The following BPTF variants were observed in gnomAD, a reference collection of about 807,000 sequenced individuals.
BPTF encodes the protein nucleosome-remodeling factor subunit BPTF.
Under a neutral mutation model 292.5 loss-of-function variants are expected in BPTF, and 18 were observed. The observed-to-expected ratio is 0.06, with a 90% CI of 0.04 to 0.09. The LOEUF (loss-of-function observed/expected upper bound fraction) is 0.09, where lower values mean the gene tolerates loss of function less well. Ranked by LOEUF, BPTF falls within the 10% of genes least tolerant of loss-of-function variation. The pLI is 1.00. For synonymous variants in BPTF, 1,225 were observed against 1,251.9 expected (o/e 0.98, Z 0.45); for missense variants, 2,726 against 3,498.7 (o/e 0.78, Z 5.57).
intron 18 of BPTF, among the ~76,000 whole-genome samples, chr17:67,933,082 A>G (rs928940792): frequency 2.0e-5 from 3 of 151,832 alleles, no homozygotes; most frequent in Admixed American, 6.6e-5. Context: ...GGGAAACCCT[A>G]TCTCTACTAA....
At chr17:67,850,565 C>G (rs1361236476) in intron 1 of BPTF, among the ~76,000 whole-genome samples, 3 of 152,092 alleles carry the variant, frequency 2.0e-5, no homozygotes, top group African/African-American at 7.2e-5. Flanking sequence ...GACGGGGTTT[C>G]ACCATATTGG....
At chr17:67,889,055 T>C (rs7208663) in intron 4 of BPTF, among the ~76,000 whole-genome samples, 46,317 of 151,992 alleles carry the variant, frequency 0.3, 8,411 homozygotes, top group East Asian at 0.66. Flanking sequence ...ATAGTCCTAG[T>C]CCTCAGGTGA....
intron 23 of BPTF, among the ~76,000 whole-genome samples, chr17:67,952,320 G>C (rs1555678847): frequency 7.1e-6 from 1 of 141,320 alleles, no homozygotes; most frequent in African/African-American, 2.6e-5. Flanking sequence ...GCTGGAGCGT[G>C]TAGGGCCATC....
intron 18 of BPTF, among the ~76,000 whole-genome samples, chr17:67,934,240 G>C (rs1221197613): frequency 1.3e-5 from 2 of 151,304 alleles, no homozygotes; most frequent in African/African-American, 2.4e-5. Flanking sequence ...AGACATGACC[G>C]GGCGCTGTGG....
intron 7 of BPTF, 43 bp downstream of exon 7, chr17:67,894,208 C>T (rs951395136): frequency 1.9e-6 from 3 of 1,561,164 alleles, no homozygotes; most frequent in Non-Finnish European, 2.6e-6. Context: ...TATTGGACTC[C>T]CTTTTGAAAT....
chr17:67,853,754 CTT>C (rs1489747735), intron 1 of BPTF, among the ~76,000 whole-genome samples, 184 bp from the exon 2 acceptor site: 1 of 151,946 alleles, frequency 6.6e-6, no homozygotes, highest in East Asian at 1.9e-4. Flanking sequence ...AATGGGAAAA[CTT>C]TGCATTTAGA....
rs779507288 is a variant in BPTF, at chr17:67,854,250, T to C, written c.924T>C (p.Ala308=). 11 of 1,614,236 alleles carry C rather than the reference T, an allele frequency of 6.8e-6. No individual in the cohort carries two copies. In the East Asian group the frequency reaches 2.2e-4, roughly 33 times the overall value. Residue 308 remains alanine, a synonymous_variant, in exon 2 of 28, where the codon GCT becomes GCC. Transcript: ENST00000306378. The surrounding 1 kb of genome is among the most constrained non-coding windows in gnomAD (Gnocchi z 5.6). ...CTTCCAATACTACCTTTGGACCTGC[T>C]GATCTGAAAGATAGCGTTAATTCCA... The part of the protein sequence containing the change: ...EDTSNTTFGP[A]DLKDSVNSTL...
Position 67,911,117 on chromosome 17 carries a change from G to T in BPTF, c.3233G>T (p.Arg1078Leu). The T allele has an allele frequency of 6.2e-7, 1 of 1,613,940 alleles. No individual in the cohort carries two copies. Among genetic ancestry groups the T allele is most frequent in the South Asian group, 1.1e-5 (1 of 91,054 alleles). Residue 1078 changes from arginine (R) to leucine (L), a missense_variant, in exon 11 of 28, where the codon CGA (arginine) becomes CTA (leucine). Arg to Leu is a moderately radical substitution (Grantham distance 102). Around this residue, in one of 22 missense-constraint regions of BPTF, gnomAD observed 713 missense variants for 714.9 expected, o/e 1.00. Coordinates refer to ENST00000306378, the MANE Select transcript of BPTF (RefSeq NM_182641.4). ...IKQFTLEEKQRLEKIKLEGGI... is the reference protein window; with the variant it reads ...IKQFTLEEKQLLEKIKLEGGI... ...CAGTTTACACTGGAAGAAAAACAGC[G>T]ACTCGAAAAAATCAAGTTGGAGGGT...
At chr17:67,842,152 G>T (rs2057602629) in intron 1 of BPTF, among the ~76,000 whole-genome samples, 1 of 151,806 alleles carries the variant, frequency 6.6e-6, no homozygotes, top group Non-Finnish European at 1.5e-5. Context: ...AATATATGTA[G>T]ATACATATAG....
chr17:67,848,227 A>G (rs1350370375), intron 1 of BPTF, among the ~76,000 whole-genome samples: 1 of 152,030 alleles, frequency 6.6e-6, no homozygotes, highest in Non-Finnish European at 1.5e-5. Flanking sequence ...AAAAATCGAC[A>G]GTGGTTTCTG....
intron 14 of BPTF, 133 bp from the exon 15 acceptor site, chr17:67,924,414 C>T (rs2063700957): frequency 1.0e-6 from 1 of 970,068 alleles, no homozygotes; most frequent in South Asian, 1.7e-5. Context: ...CTCGCACAAC[C>T]AAATGTTTTA....
At chr17:67,830,901 C>A (rs1282638852) in intron 1 of BPTF, among the ~76,000 whole-genome samples, 1 of 152,194 alleles carries the variant, frequency 6.6e-6, no homozygotes, top group East Asian at 1.9e-4. Context: ...GTATTCCCAG[C>A]AGCACCATGC....
chr17:67,900,975 C>T (rs541836745), intron 7 of BPTF, among the ~76,000 whole-genome samples: 3 of 151,176 alleles, frequency 2.0e-5, no homozygotes, highest in Admixed American at 1.3e-4. Context: ...GCTATGATTG[C>T]GCCACTGTAC....
Position 67,922,894 on chromosome 17 carries a change from G to A in BPTF, c.5612G>A (p.Arg1871Lys), listed in dbSNP as rs761695656. Reference protein sequence around the residue: ...GLRSSALRPKRPETPKQTGPV... With the variant: ...GLRSSALRPKKPETPKQTGPV... The stretch of plus-strand genomic sequence containing the variant: ...CGATCAAGTGCACTGCGGCCAAAGA[G>A]ACCAGAAACGCCCAAGCAAACTGGC... Residue 1871 changes from arginine (R) to lysine (K), a missense_variant, in exon 14 of 28, where the codon AGA becomes AAA. Arg to Lys is a conservative substitution (Grantham distance 26, BLOSUM62 2). Coordinates refer to ENST00000306378, the MANE Select transcript of BPTF (RefSeq NM_182641.4). 6.2e-7 allele frequency: 1 copy of A among 1,614,082 alleles called. No homozygotes were observed. The highest frequency in any genetic ancestry group is 8.5e-7 in the Non-Finnish European group (1 of 1,180,030).
At position 67,835,305 on chromosome 17, in the gene BPTF, G is replaced by A. The variant is rs539522831; in HGVS notation, c.613+8968G>A. Among the ~76,000 whole-genome samples the A allele has an allele frequency of 7.9e-5, 12 of 152,298 alleles. No individual in the cohort carries two copies. In the South Asian group the frequency reaches 2.5e-3, roughly 32 times the overall value. On this transcript the variant is annotated intron_variant, in intron 1 of 27. Transcript: ENST00000306378. ...CAAGTGCTCTATAGCCACATGTATT[G>A]CACCACACAAATGTAGAGCATTTGG...
rs374906214 is a variant in BPTF at position 67,875,740 on chromosome 17, G to A, written c.1864+720G>A. The A allele has an allele frequency of 4.6e-4, 728 of 1,586,318 alleles. 1 individual carries two copies. Among genetic ancestry groups the A allele is most frequent in the Non-Finnish European group, 6.1e-4 (715 of 1,166,296 alleles). Reference sequence around the variant, plus strand: ...TGGCATCTGAGCTCCCCCAGGATGTGCCAGGTACAGAGGGCAGCGTATCAA... The same window carrying A: ...TGGCATCTGAGCTCCCCCAGGATGTACCAGGTACAGAGGGCAGCGTATCAA... On this transcript the variant is annotated intron_variant, in intron 4 of 27. Coordinates refer to ENST00000306378, the MANE Select transcript of BPTF (RefSeq NM_182641.4).
chr17:67,943,917 A>T (rs2065594755), intron 19 of BPTF, among the ~76,000 whole-genome samples: 2 of 152,194 alleles, frequency 1.3e-5, no homozygotes, highest in Non-Finnish European at 2.9e-5. Flanking sequence ...TTGTGGACAG[A>T]TAACTGGCTG....
At chr17:67,877,655 TTC>T (rs2060132055) in intron 4 of BPTF, among the ~76,000 whole-genome samples, 1 of 46,990 alleles carries the variant, frequency 2.1e-5, no homozygotes, top group Non-Finnish European at 1.5e-4. Flanking sequence ...GTCTCACTCT[TTC>T]ACCCAGGCTG....
chr17:67,911,601 G>A lies in BPTF; in HGVS notation c.3717G>A (p.Gln1239=). The change falls in exon 11 of 28, where the codon CAG becomes CAA. Residue 1239 remains glutamine (Q), a synonymous_variant. Coordinates refer to ENST00000306378, the MANE Select transcript of BPTF (RefSeq NM_182641.4). ...LICKNKKPLI[Q]EESDTIVSSS... The stretch of plus-strand genomic sequence containing the variant: ...GTAAGAACAAAAAACCGCTCATACA[G>A]GAGGAAAGTGACACCATTGTTTCTT... The A allele has an allele frequency of 6.2e-7, 1 of 1,614,152 alleles. No individual in the cohort carries two copies. Among genetic ancestry groups the A allele is most frequent in the Non-Finnish European group, 8.5e-7 (1 of 1,180,016 alleles).
Sources: gnomAD v4.1 joint callset for allele counts (sites outside exome capture counted in the v4.1 genomes callset) on GRCh38, gnomAD v4.1.1 for gene constraint, gnomAD v4.1.1 regional missense constraint, Gnocchi (gnomAD v3.1) non-coding constraint, MANE v1.5 for transcripts, NCBI Gene and HGNC (gene_info 2026-07-23, HGNC 2026-07-21) for gene names.